Variants in LDLRAD4 observed in about 807,000 individuals in gnomAD.
LDLRAD4 encodes low-density lipoprotein receptor class A domain-containing protein 4.
In LDLRAD4, 5 loss-of-function variants were observed where a neutral mutation model predicts 17.0. That is an observed-to-expected ratio of 0.29 (90% CI 0.15 to 0.62). LDLRAD4 has a LOEUF of 0.62. Ranked by LOEUF, LDLRAD4 falls within the 20% of genes least tolerant of loss-of-function variation. The pLI, the probability that LDLRAD4 is intolerant of heterozygous loss-of-function variation, is 0.84. For synonymous variants in LDLRAD4, 168 were observed against 171.8 expected (o/e 0.98, Z 0.17); for missense variants, 340 against 424.7 (o/e 0.80, Z 1.75).
At chr18:13,478,704 A>G (rs1011265536) in intron 3 of LDLRAD4, among the ~76,000 whole-genome samples, 13 of 152,232 alleles carry the variant, frequency 8.5e-5, no homozygotes, top group African/African-American at 3.1e-4. Context: ...GTTCTTCCCA[A>G]ATTCATAAAT....
chr18:13,439,133 C>T (rs2090860704), intron 3 of LDLRAD4, among the ~76,000 whole-genome samples: 1 of 152,028 alleles, frequency 6.6e-6, no homozygotes, highest in Non-Finnish European at 1.5e-5. Context: ...ACACGGCCTT[C>T]TTACTGAGAT....
intron 3 of LDLRAD4, among the ~76,000 whole-genome samples, chr18:13,594,600 A>C (rs1278770046): frequency 2.3e-5 from 3 of 131,462 alleles, no homozygotes; most frequent in African/African-American, 8.5e-5. Flanking sequence ...CGGAAGGTGG[A>C]GGTTGCAGTG....
intron 3 of LDLRAD4, chr18:13,612,205 G>C: frequency 2.0e-6 from 2 of 988,934 alleles, no homozygotes; most frequent in Non-Finnish European, 2.4e-6. Flanking sequence ...ACTGAACGCA[G>C]TGTGACAAGA....
chr18:13,273,029 G>A (rs1417900968), intron 1 of LDLRAD4, among the ~76,000 whole-genome samples: 1 of 152,176 alleles, frequency 6.6e-6, no homozygotes, highest in Non-Finnish European at 1.5e-5. Flanking sequence ...AAAACGATGT[G>A]GCATTTACAG....
intron 1 of LDLRAD4, among the ~76,000 whole-genome samples, chr18:13,232,467 C>G (rs73951903): frequency 6.7e-6 from 1 of 149,880 alleles, no homozygotes; most frequent in Non-Finnish European, 1.5e-5. Flanking sequence ...CTTCCTTCCC[C>G]GCGTGGCCTT....
At chr18:13,371,738 C>A (rs1014816942) in intron 1 of LDLRAD4, among the ~76,000 whole-genome samples, 1 of 151,882 alleles carries the variant, frequency 6.6e-6, no homozygotes, top group South Asian at 2.1e-4. Context: ...ACACTCCAGC[C>A]TGGGCAACAG....
intron 3 of LDLRAD4, among the ~76,000 whole-genome samples, chr18:13,609,520 T>TGTGTGTGC (rs2039285589): frequency 9.4e-6 from 1 of 106,600 alleles, no homozygotes; most frequent in Admixed American, 9.4e-5. Context: ...TCATTATGCG[T>TGTGTGTGC]GTGTGTGTGC....
At chr18:13,262,196 A>T (rs1186994418) in intron 1 of LDLRAD4, among the ~76,000 whole-genome samples, 1 of 120,434 alleles carries the variant, frequency 8.3e-6, no homozygotes, top group African/African-American at 3.5e-5. Flanking sequence ...GTGCATGGAA[A>T]CTGAGTCCCG....
At chr18:13,267,570 G>A (rs72869846) in intron 1 of LDLRAD4, among the ~76,000 whole-genome samples, 4,316 of 152,308 alleles carry the variant, frequency 0.028, 82 homozygotes, top group Non-Finnish European at 0.041. Flanking sequence ...GAGATCAGCC[G>A]TCAGTTTTCG....
At chr18:13,575,033 A>G (rs924859246) in intron 3 of LDLRAD4, among the ~76,000 whole-genome samples, 1 of 152,080 alleles carries the variant, frequency 6.6e-6, no homozygotes, top group African/African-American at 2.4e-5. Flanking sequence ...AACCTAAAAA[A>G]CCTTCCAGAA....
intron 1 of LDLRAD4, among the ~76,000 whole-genome samples, chr18:13,249,504 C>T (rs1598896373): frequency 6.6e-6 from 1 of 152,034 alleles, no homozygotes; most frequent in South Asian, 2.1e-4. Flanking sequence ...AGTGATGTTG[C>T]ACATTTTTCA....
chr18:13,407,398 A>C (rs1289319884), intron 2 of LDLRAD4, among the ~76,000 whole-genome samples: 2 of 152,246 alleles, frequency 1.3e-5, no homozygotes, highest in African/African-American at 4.8e-5. Context: ...TAGAATGCCC[A>C]CAGTGCTTAG....
At chr18:13,376,071 T>C (rs548801009) in intron 1 of LDLRAD4, among the ~76,000 whole-genome samples, 189 of 152,218 alleles carry the variant, frequency 1.2e-3, no homozygotes, top group Non-Finnish European at 2.0e-3. Context: ...GGAACTGTGT[T>C]CACTTCATCA....
intron 2 of LDLRAD4, among the ~76,000 whole-genome samples, chr18:13,423,129 T>G (rs965098946): frequency 2.6e-5 from 4 of 152,212 alleles, no homozygotes; most frequent in African/African-American, 9.6e-5. Context: ...AGCCACCACT[T>G]CTAGAAAACT....
chr18:13,226,180 C>CTTTTTTTTGTTTTTT (rs2041784150), intron 1 of LDLRAD4, among the ~76,000 whole-genome samples: 2 of 52,188 alleles, frequency 3.8e-5, no homozygotes, highest in African/African-American at 7.8e-5. Flanking sequence ...CCATGCCTTG[C>CTTTTTTTTGTTTTTT]TTTTTTTTTT....
At chr18:13,279,021 C>T (rs755405726) in intron 1 of LDLRAD4, among the ~76,000 whole-genome samples, 1 of 152,160 alleles carries the variant, frequency 6.6e-6, no homozygotes, top group Non-Finnish European at 1.5e-5. Flanking sequence ...GGACTTTTTA[C>T]AGTTGGGTGC....
chr18:13,551,325 G>C (rs557762889), intron 3 of LDLRAD4, among the ~76,000 whole-genome samples: 1 of 152,292 alleles, frequency 6.6e-6, no homozygotes, highest in African/African-American at 2.4e-5. Context: ...TTGATTAAGT[G>C]CTCCTGTTGT....
intron 3 of LDLRAD4, among the ~76,000 whole-genome samples, chr18:13,531,592 T>TTG (rs1466085115): frequency 6.7e-6 from 1 of 149,694 alleles, no homozygotes; most frequent in Non-Finnish European, 1.5e-5. Context: ...TCCATCTTTT[T>TTG]TTTTTTTTTT....
chr18:13,358,964 GT>G (rs1299009786), intron 1 of LDLRAD4, among the ~76,000 whole-genome samples: 2 of 152,320 alleles, frequency 1.3e-5, no homozygotes, highest in Middle Eastern at 3.4e-3. Flanking sequence ...GAAAAGAATA[GT>G]AGTAAACCAA....
Sources: allele counts gnomAD v4.1 joint callset (sites outside exome capture counted in the v4.1 genomes callset), GRCh38; gene constraint gnomAD v4.1.1; transcripts MANE v1.5; gene names NCBI Gene and HGNC (gene_info 2026-07-23, HGNC 2026-07-21).